ACTL8: variants seen among roughly 807,000 people sequenced by gnomAD.
ACTL8 encodes the protein actin like 8.
A neutral mutation model predicts 9.3 loss-of-function variants in ACTL8; 3 were observed. The observed-to-expected ratio is 0.32, with a 90% CI of 0.15 to 0.83. ACTL8 has a LOEUF of 0.83. Ranked by LOEUF, ACTL8 falls within the 40% of genes least tolerant of loss-of-function variation. The pLI is 0.57. For missense variants in ACTL8, 381 were observed against 492.2 expected, an observed-to-expected ratio of 0.77 and a Z score of 2.14; for synonymous variants, 224 against 205.9, an observed-to-expected ratio of 1.09 and a Z score of -0.75.
intron 1 of ACTL8, among the ~76,000 whole-genome samples, chr1:17,803,341 A>G (rs2066337246): frequency 6.6e-6 from 1 of 152,154 alleles, no homozygotes; most frequent in Admixed American, 6.5e-5. Flanking sequence ...TCTTTCCTTT[A>G]TAAATTACCC....
chr1:17,791,489 C>T (rs1570018963), intron 1 of ACTL8, among the ~76,000 whole-genome samples: 1 of 152,220 alleles, frequency 6.6e-6, no homozygotes, highest in Admixed American at 6.5e-5. Flanking sequence ...GGCACATTCT[C>T]TTGCCACCAC....
rs115999534 is a variant in ACTL8 at position 17,826,827 on chromosome 1, T to C, written c.*308T>C. 6.4e-3 allele frequency: 1,454 copies of C among 226,824 alleles called. 22 individuals are homozygous for C. The highest frequency in any genetic ancestry group is 0.03 in the African/African-American group (1,312 of 44,436). 14.1% of individuals were successfully genotyped at this position (226,824 alleles called of 1,614,324 possible). On this transcript the variant is annotated 3_prime_UTR_variant, in exon 3 of 3. Transcript: ENST00000375406. The surrounding 1 kb of genome is among the most constrained non-coding windows in gnomAD (Gnocchi z 4.5). Reference sequence around the variant, plus strand: ...ATGCCTGAGAGCCACTGATTTTTCATTGGCATTTCCCCTGGTTTGTCTCAT... The same window carrying C: ...ATGCCTGAGAGCCACTGATTTTTCACTGGCATTTCCCCTGGTTTGTCTCAT...
At chr1:17,761,002 G>A (rs1233889261) in intron 1 of ACTL8, among the ~76,000 whole-genome samples, 1 of 152,172 alleles carries the variant, frequency 6.6e-6, no homozygotes, top group African/African-American at 2.4e-5. Context: ...AGTCCTTATT[G>A]GAGGGAGCCA....
chr1:17,804,566 A>G (rs1371252023), intron 1 of ACTL8, among the ~76,000 whole-genome samples: 4 of 151,200 alleles, frequency 2.6e-5, no homozygotes, highest in African/African-American at 9.7e-5. Flanking sequence ...CATTGCAGCC[A>G]CCACCCAGCT....
At position 17,811,870 on chromosome 1, in the gene ACTL8, CT is replaced by C. The variant is rs200104295; in HGVS notation, c.-24-11100del. On this transcript the variant is annotated intron_variant, in intron 1 of 2. Coordinates refer to ENST00000375406, the MANE Select transcript of ACTL8 (RefSeq NM_030812.3). ...TTGTCTTGATGACTGGGTTTTCTGT[CT>C]TTTTTTTTTTTTTTGAGACAGGGTC... 5.5e-3 allele frequency among the ~76,000 whole-genome samples: 772 copies of C among 139,414 alleles called. 1 individual carries two copies. Among genetic ancestry groups the C allele is most frequent in the African/African-American group, 0.01 (397 of 38,108 alleles). The allele number at this position is 139,414 out of a possible 152,430, so 91.5% of individuals were successfully genotyped here.
chr1:17,799,643 G>C (rs553247122), intron 1 of ACTL8, among the ~76,000 whole-genome samples: 5 of 151,966 alleles, frequency 3.3e-5, no homozygotes, highest in Admixed American at 1.3e-4. Context: ...TGTGCCTTCT[G>C]TCTTGTTTTT....
intron 1 of ACTL8, among the ~76,000 whole-genome samples, chr1:17,804,572 C>T (rs2066345153): frequency 6.6e-6 from 1 of 152,034 alleles, no homozygotes; most frequent in South Asian, 2.1e-4. Context: ...AGCCACCACC[C>T]AGCTGGTCGT....
rs2066367206 is a variant in ACTL8, at chr1:17,807,567, C to T, written c.-24-15418C>T. Among the ~76,000 whole-genome samples, 3 of 152,112 alleles carry T rather than the reference C, an allele frequency of 2.0e-5. No individual in the cohort carries two copies. In the South Asian group the frequency reaches 6.2e-4, roughly 32 times the overall value. ...TATGTATGTTTATTGCGGTACTATT[C>T]ACAATAGCAAAGACTTGGAACCAAC... On this transcript the variant is annotated intron_variant, in intron 1 of 2. Transcript: ENST00000375406.
Position 17,782,219 on chromosome 1 carries a change from CAG to C in ACTL8, c.-25+26716_-25+26717del, listed in dbSNP as rs538499150. 1.3e-3 allele frequency among the ~76,000 whole-genome samples: 205 copies of C among 152,166 alleles called. 1 individual carries two copies. Among genetic ancestry groups the C allele is most frequent in the African/African-American group, 4.8e-3 (200 of 41,494 alleles). ...TTGCTAGAGGAGAAGAGTTTGAGGA[CAG>C]GGGGAGGGAACAGCACTAAATGCTG... On this transcript the variant is annotated intron_variant, in intron 1 of 2. Transcript: ENST00000375406.
At chr1:17,770,326 C>A (rs1370948382) in intron 1 of ACTL8, among the ~76,000 whole-genome samples, 1 of 152,220 alleles carries the variant, frequency 6.6e-6, no homozygotes, top group Non-Finnish European at 1.5e-5. Context: ...TTGAGATTTT[C>A]ATAACTCAGA....
chr1:17,764,608 A>G (rs1037374962), intron 1 of ACTL8, among the ~76,000 whole-genome samples: 5 of 151,638 alleles, frequency 3.3e-5, no homozygotes, highest in African/African-American at 9.7e-5. Flanking sequence ...CCTGATGCCT[A>G]TTGGGTTCAG....
At chr1:17,773,969 G>A (rs1241513115) in intron 1 of ACTL8, among the ~76,000 whole-genome samples, 1 of 152,254 alleles carries the variant, frequency 6.6e-6, no homozygotes, top group East Asian at 1.9e-4. Flanking sequence ...GGTAGCCAGA[G>A]GTGGTGGGGT....
chr1:17,762,424 G>A (rs2066012991), intron 1 of ACTL8, among the ~76,000 whole-genome samples: 1 of 152,048 alleles, frequency 6.6e-6, no homozygotes, highest in African/African-American at 2.4e-5. Context: ...AAAACCAGAG[G>A]CCCAGGTGCT....
At chr1:17,776,779 T>TATTTG (rs1002067113) in intron 1 of ACTL8, among the ~76,000 whole-genome samples, 1 of 151,946 alleles carries the variant, frequency 6.6e-6, no homozygotes, top group African/African-American at 2.4e-5. Context: ...CAGAGGACCT[T>TATTTG]ATTTGATCCT....
intron 1 of ACTL8, among the ~76,000 whole-genome samples, chr1:17,818,849 T>G (rs1206964427): frequency 2.0e-5 from 3 of 152,234 alleles, no homozygotes; most frequent in Admixed American, 6.5e-5. Flanking sequence ...CTTAGTAGAA[T>G]GTAAACTCCA....
chr1:17,805,513 C>G (rs1174027689), intron 1 of ACTL8, among the ~76,000 whole-genome samples: 2 of 151,188 alleles, frequency 1.3e-5, no homozygotes, highest in African/African-American at 4.9e-5. Flanking sequence ...TCCCAAGTAG[C>G]TGGCCTACAG....
At chr1:17,795,418 G>T (rs2066269717) in intron 1 of ACTL8, among the ~76,000 whole-genome samples, 1 of 152,236 alleles carries the variant, frequency 6.6e-6, no homozygotes, top group Non-Finnish European at 1.5e-5. Context: ...TGACTGCCTT[G>T]CAGGGTTCGT....
intron 1 of ACTL8, among the ~76,000 whole-genome samples, chr1:17,759,393 G>A (rs1240555466): frequency 6.6e-6 from 1 of 152,242 alleles, no homozygotes; most frequent in Non-Finnish European, 1.5e-5. Context: ...GCAGAGGCCA[G>A]CAGCACCTTA....
intron 1 of ACTL8, among the ~76,000 whole-genome samples, chr1:17,762,768 C>T (rs1230135983): frequency 6.6e-6 from 1 of 152,060 alleles, no homozygotes; most frequent in Non-Finnish European, 1.5e-5. Context: ...GTGCCCCCCG[C>T]CCCCCAAGGC....
Sources: allele counts gnomAD v4.1 joint callset (sites outside exome capture counted in the v4.1 genomes callset), GRCh38; gene constraint gnomAD v4.1.1; non-coding constraint Gnocchi (gnomAD v3.1); transcripts MANE v1.5; gene names NCBI Gene and HGNC (gene_info 2026-07-23, HGNC 2026-07-21).